The following BNIP3L variants were observed in gnomAD, a reference collection of about 807,000 sequenced individuals.
The protein encoded by BNIP3L is BCL2 interacting protein 3 like.
Under a neutral mutation model 25.5 loss-of-function variants are expected in BNIP3L, and 10 were observed. The ratio of observed to expected loss-of-function variants is 0.39; its 90% CI spans 0.24 to 0.67. The LOEUF is 0.67. Among genes scored for constraint, BNIP3L ranks in the 30% least tolerant of loss-of-function variants. BNIP3L has a pLI of 0.45. For missense variants in BNIP3L, 215 were observed against 270.9 expected, an observed-to-expected ratio of 0.79 and a Z score of 1.45; for synonymous variants, 113 against 101.2, an observed-to-expected ratio of 1.12 and a Z score of -0.70.
intron 2 of BNIP3L, among the ~76,000 whole-genome samples, chr8:26,393,358 C>CT (rs1199349250): frequency 6.8e-6 from 1 of 147,662 alleles, no homozygotes; most frequent in Non-Finnish European, 1.5e-5. Flanking sequence ...TCTGCTTTGC[C>CT]TTTCACCCTG....
Position 26,410,506 on chromosome 8 carries a change from C to A in BNIP3L, c.*94C>A. ...AACTTGAGACCATTGTAAGCATGAC[C>A]CAACCTACCACCCTGTTTTTACATA... is the stretch of plus-strand genomic sequence containing the variant. On this transcript the variant is annotated 3_prime_UTR_variant, in exon 6 of 6. Coordinates refer to ENST00000380629, the MANE Select transcript of BNIP3L (RefSeq NM_004331.3). 2.2e-6 allele frequency: 3 copies of A among 1,383,182 alleles called. No homozygotes were observed. The highest frequency in any genetic ancestry group is 1.7e-5 in the Admixed American group (1 of 57,778). The allele number at this position is 1,383,182 out of a possible 1,614,324, so 85.7% of individuals were successfully genotyped here. A position where few individuals can be genotyped will look rare whatever the true frequency, so the allele number is the denominator to read the frequency against.
At chr8:26,389,949 C>G (rs1011219370) in intron 1 of BNIP3L, among the ~76,000 whole-genome samples, 1 of 152,178 alleles carries the variant, frequency 6.6e-6, no homozygotes, top group Non-Finnish European at 1.5e-5. Flanking sequence ...CTGGAACTCT[C>G]TAACACTTCT....
At chr8:26,405,062 G>C (rs1224562797) in intron 3 of BNIP3L, among the ~76,000 whole-genome samples, 1 of 151,798 alleles carries the variant, frequency 6.6e-6, no homozygotes, top group Non-Finnish European at 1.5e-5. Flanking sequence ...TTTTTGTTTT[G>C]TTTTCTTTTT....
At chr8:26,405,759 A>G (rs891746748) in intron 3 of BNIP3L, among the ~76,000 whole-genome samples, 7 of 152,160 alleles carry the variant, frequency 4.6e-5, no homozygotes, top group Admixed American at 2.6e-4. Context: ...AAAACTGACT[A>G]TGACCAGGCA....
intron 1 of BNIP3L, among the ~76,000 whole-genome samples, chr8:26,386,331 A>G (rs924996563): frequency 1.3e-5 from 2 of 152,256 alleles, no homozygotes; most frequent in African/African-American, 4.8e-5. Context: ...ATAAGATTCA[A>G]TAGGGCCGAA....
intron 1 of BNIP3L, among the ~76,000 whole-genome samples, chr8:26,384,340 C>T (rs1176019942): frequency 2.0e-5 from 3 of 152,272 alleles, no homozygotes; most frequent in East Asian, 3.9e-4. Context: ...AGTTTCAGCC[C>T]TCACCAGGTA....
Position 26,385,618 on chromosome 8 carries a change from C to T in BNIP3L, c.100+2388C>T, listed in dbSNP as rs193186186. Among the ~76,000 whole-genome samples the T allele has an allele frequency of 7.6e-3, 382 of 50,276 alleles. 5 individuals are homozygous for T. Among genetic ancestry groups the T allele is most frequent in the African/African-American group, 0.028 (360 of 12,858 alleles). 33.0% of individuals were successfully genotyped at this position (50,276 alleles called of 152,430 possible). On this transcript the variant is annotated intron_variant, in intron 1 of 5. Coordinates refer to ENST00000380629, the MANE Select transcript of BNIP3L (RefSeq NM_004331.3). ...ACTCTGTCTCAAAAAAAAAAAGGGG[C>T]GAGGGCGGGGGCTGAGCCATATGTC...
At position 26,386,724 on chromosome 8, in the gene BNIP3L, T is replaced by A. The variant is rs552386283; in HGVS notation, c.100+3494T>A. On this transcript the variant is annotated intron_variant, in intron 1 of 5. Coordinates refer to ENST00000380629, the MANE Select transcript of BNIP3L (RefSeq NM_004331.3). ...CAAGCTGGTCACAAACTCTTTTTTT[T>A]AAATAGAAACATCTTCAAGCACAAT... is the stretch of plus-strand genomic sequence containing the variant. Among the ~76,000 whole-genome samples the A allele has an allele frequency of 9.6e-4, 146 of 152,308 alleles. 1 individual carries two copies. The Middle Eastern group carries it at 0.01, about 11-fold the overall frequency.
At chr8:26,400,030 C>T (rs1806333993) in intron 3 of BNIP3L, among the ~76,000 whole-genome samples, 1 of 151,254 alleles carries the variant, frequency 6.6e-6, no homozygotes, top group Admixed American at 6.6e-5. Flanking sequence ...CATCAAGCTA[C>T]CAATGACTTT....
At chr8:26,391,576 A>G (rs1396541327) in intron 2 of BNIP3L, 150 bp downstream of exon 2, 4 of 594,532 alleles carry the variant, frequency 6.7e-6, no homozygotes, top group Admixed American at 4.3e-5. Flanking sequence ...ACAGATATAT[A>G]TTGTGTTTAT....
intron 1 of BNIP3L, among the ~76,000 whole-genome samples, chr8:26,383,725 G>A (rs748967046): frequency 1.3e-5 from 2 of 151,674 alleles, no homozygotes; most frequent in African/African-American, 2.4e-5. Context: ...GGCAGCGTCT[G>A]GCGGGCGCGG....
chr8:26,409,037 A>G (rs1224069554), intron 5 of BNIP3L, among the ~76,000 whole-genome samples: 4 of 152,008 alleles, frequency 2.6e-5, no homozygotes, highest in Admixed American at 6.6e-5. Flanking sequence ...TTTTGTGGTC[A>G]GTGCAAATAC....
chr8:26,404,634 A>G (rs1277399567), intron 3 of BNIP3L, among the ~76,000 whole-genome samples: 3 of 152,216 alleles, frequency 2.0e-5, no homozygotes, highest in South Asian at 2.1e-4. Context: ...CAGCTGCCCA[A>G]GAAGCTGGGA....
intron 3 of BNIP3L, among the ~76,000 whole-genome samples, chr8:26,401,591 C>G (rs184494756): frequency 6.9e-4 from 98 of 142,452 alleles, no homozygotes; most frequent in African/African-American, 2.5e-3. Context: ...AAAAACCTAC[C>G]AGTGGAGGTA....
chr8:26,400,065 T>G (rs1029467499), intron 3 of BNIP3L, among the ~76,000 whole-genome samples: 33 of 150,196 alleles, frequency 2.2e-4, no homozygotes, highest in Non-Finnish European at 4.0e-4. Context: ...AAAAAACTAC[T>G]TTAAAGTTCA....
rs1179947123 is a variant in BNIP3L, at chr8:26,412,710, T to C, written c.*2298T>C. 6.6e-6 allele frequency: 1 copy of C among 152,644 alleles called. No homozygotes were observed. The highest frequency in any genetic ancestry group is 1.5e-5 in the Non-Finnish European group (1 of 68,034). 9.5% of individuals were successfully genotyped at this position (152,644 alleles called of 1,614,324 possible). Reference sequence around the variant, plus strand: ...AACATTGTGGTTTGGAAAGGAGAATTCAACAATTAATAGTTGAAATTGTGA... The same window carrying C: ...AACATTGTGGTTTGGAAAGGAGAATCCAACAATTAATAGTTGAAATTGTGA... On this transcript the variant is annotated 3_prime_UTR_variant, in exon 6 of 6. Transcript: ENST00000380629.
At chr8:26,403,137 G>A (rs1266709956) in intron 3 of BNIP3L, among the ~76,000 whole-genome samples, 1 of 152,168 alleles carries the variant, frequency 6.6e-6, no homozygotes, top group Non-Finnish European at 1.5e-5. Flanking sequence ...ACTTTATGTT[G>A]ACAATCAGAT....
intron 5 of BNIP3L, among the ~76,000 whole-genome samples, chr8:26,408,682 G>C (rs1324782704): frequency 6.6e-6 from 1 of 152,204 alleles, no homozygotes; most frequent in African/African-American, 2.4e-5. Flanking sequence ...GACCAGCCTG[G>C]CCAACATGGT....
intron 1 of BNIP3L, among the ~76,000 whole-genome samples, chr8:26,385,105 G>GC (rs1563336637): frequency 6.6e-6 from 1 of 152,104 alleles, no homozygotes; most frequent in African/African-American, 2.4e-5. Flanking sequence ...AGAACCTCCT[G>GC]CTGGTGTGTG....
Sources: allele counts gnomAD v4.1 joint callset (sites outside exome capture counted in the v4.1 genomes callset), GRCh38; gene constraint gnomAD v4.1.1; transcripts MANE v1.5; gene names NCBI Gene and HGNC (gene_info 2026-07-23, HGNC 2026-07-21).